Variants in CHMP4C observed in about 807,000 individuals in gnomAD.
The protein encoded by CHMP4C is charged multivesicular body protein 4C.
In CHMP4C, 28 loss-of-function variants were observed where a neutral mutation model predicts 29.0. The ratio of observed to expected loss-of-function variants is 0.97; its 90% CI spans 0.72 to 1.32. The LOEUF is 1.32. CHMP4C is among the 40% of genes most tolerant of loss of function. The pLI is 0.00. For synonymous variants in CHMP4C, 106 were observed against 102.4 expected, an observed-to-expected ratio of 1.04 and a Z score of -0.21; for missense variants, 291 against 281.0, an observed-to-expected ratio of 1.04 and a Z score of -0.25.
Position 81,739,868 on chromosome 8 carries a change from T to C in CHMP4C, c.190+7052T>C, listed in dbSNP as rs138942518. On this transcript the variant is annotated intron_variant, in intron 1 of 4. Transcript: ENST00000297265. ...ACCCATTTCACTTGCCTTTTTCCCA[T>C]TGGATGTGGAAAGAGCTAAAACTCC... 5.5e-3 allele frequency among the ~76,000 whole-genome samples: 841 copies of C among 152,290 alleles called. 1 individual carries two copies. The highest frequency in any genetic ancestry group is 0.01 in the Middle Eastern group (3 of 294).
At position 81,759,258 on chromosome 8, in the gene CHMP4C, G is replaced by A. The variant is rs189432124; in HGVS notation, c.*714G>A. 81 of 152,620 alleles carry A rather than the reference G, an allele frequency of 5.3e-4. No homozygotes were observed. The highest frequency in any genetic ancestry group is 8.1e-4 in the Non-Finnish European group (55 of 68,004). The allele number at this position is 152,620 out of a possible 1,614,324, so 9.5% of individuals were successfully genotyped here. On this transcript the variant is annotated 3_prime_UTR_variant, in exon 5 of 5. Transcript: ENST00000297265. ...CCAATTAAGCTTGGAATGGGGCAAT[G>A]GATGCATTTCCCAAAACGTGTGAAA...
At chr8:81,739,422 G>GGC (rs1554592461) in intron 1 of CHMP4C, among the ~76,000 whole-genome samples, 2 of 143,442 alleles carry the variant, frequency 1.4e-5, no homozygotes, top group South Asian at 4.7e-4. Flanking sequence ...GGATTGTGGG[G>GGC]GGGGGTGGAA....
intron 1 of CHMP4C, among the ~76,000 whole-genome samples, chr8:81,742,916 G>A (rs1243010331): frequency 2.0e-5 from 3 of 152,092 alleles, no homozygotes; most frequent in Admixed American, 6.6e-5. Context: ...ATATTGATTT[G>A]TTGGTGTTAC....
In CHMP4C at chr8:81,753,238, A is replaced by G. The variant is rs1563622826; in HGVS notation, c.365A>G (p.Asn122Ser). ...AAAGCGATGAAATCTGTTCATGAAA[A>G]CATGTGAGTGACTCTGGTCTCCCTC... ...AAKAMKSVHE[N>S]MDLNKIDDLM... is the part of the protein sequence containing the mutation. Residue 122 changes from asparagine to serine, a missense_variant, in exon 2 of 5, where the codon AAC becomes AGC. Transcript: ENST00000297265. The G allele has an allele frequency of 6.3e-7, 1 of 1,598,410 alleles. No homozygotes were observed.
At chr8:81,740,231 C>A (rs922793215) in intron 1 of CHMP4C, among the ~76,000 whole-genome samples, 2 of 152,198 alleles carry the variant, frequency 1.3e-5, no homozygotes, top group Non-Finnish European at 2.9e-5. Flanking sequence ...GTCCCCAACC[C>A]TTTTGGCACC....
At chr8:81,747,771 G>A (rs1463732526) in intron 1 of CHMP4C, among the ~76,000 whole-genome samples, 2 of 151,942 alleles carry the variant, frequency 1.3e-5, no homozygotes, top group Admixed American at 1.3e-4. Flanking sequence ...TACTTAACAG[G>A]GTAATAGAAT....
At chr8:81,739,408 T>A (rs1808733166) in intron 1 of CHMP4C, among the ~76,000 whole-genome samples, 1 of 20,266 alleles carries the variant, frequency 4.9e-5, no homozygotes, top group Non-Finnish European at 8.0e-5. Flanking sequence ...TTCTAAGGCC[T>A]GGGGGATTGT....
At chr8:81,755,099 T>TG (rs961895742) in intron 2 of CHMP4C, among the ~76,000 whole-genome samples, 13 of 152,270 alleles carry the variant, frequency 8.5e-5, no homozygotes, top group African/African-American at 3.1e-4. Context: ...AATTTCAAAA[T>TG]GGGTTTACAA....
intron 1 of CHMP4C, among the ~76,000 whole-genome samples, chr8:81,743,736 A>G (rs1808791385): frequency 6.6e-6 from 1 of 152,174 alleles, no homozygotes; most frequent in African/African-American, 2.4e-5. Flanking sequence ...CTTTTTAAAT[A>G]TTCTCTTGCG....
chr8:81,736,471 T>C (rs546244933), intron 1 of CHMP4C, among the ~76,000 whole-genome samples: 11 of 152,264 alleles, frequency 7.2e-5, no homozygotes, highest in Non-Finnish European at 1.6e-4. Context: ...AAATTCTACA[T>C]ATTCTAAATA....
At chr8:81,743,851 C>T (rs1282112738) in intron 1 of CHMP4C, among the ~76,000 whole-genome samples, 1 of 152,074 alleles carries the variant, frequency 6.6e-6, no homozygotes, top group Non-Finnish European at 1.5e-5. Flanking sequence ...TTCCTTTGCC[C>T]GTTTGCTGTC....
chr8:81,737,198 C>T (rs1808702701), intron 1 of CHMP4C, among the ~76,000 whole-genome samples: 1 of 152,176 alleles, frequency 6.6e-6, no homozygotes, highest in Non-Finnish European at 1.5e-5. Context: ...TTCTTCTGAG[C>T]ACTGCGTCTT....
At chr8:81,734,470 A>G (rs1808659963) in intron 1 of CHMP4C, among the ~76,000 whole-genome samples, 1 of 139,254 alleles carries the variant, frequency 7.2e-6, no homozygotes, top group Admixed American at 7.1e-5. Flanking sequence ...CGCTGGGATT[A>G]CAGGCATGTG....
At chr8:81,740,832 GGGATCT>G (rs1808754680) in intron 1 of CHMP4C, among the ~76,000 whole-genome samples, 1 of 152,178 alleles carries the variant, frequency 6.6e-6, no homozygotes, top group Admixed American at 6.5e-5. Flanking sequence ...TCTGTTTCAA[GGGATCT>G]GGAATAAGGT....
rs957360695 is a variant in CHMP4C, at chr8:81,732,564, G to A, written c.-63G>A. On this transcript the variant is annotated 5_prime_UTR_variant, in exon 1 of 5. Transcript: ENST00000297265. Reference sequence around the variant, plus strand: ...GACTGCCTTGCTCACCTGTCCCCTCGGCGCGGCCCCGGGGAGCTCCCGAGA... The same window carrying A: ...GACTGCCTTGCTCACCTGTCCCCTCAGCGCGGCCCCGGGGAGCTCCCGAGA... 34 of 1,325,216 alleles carry A rather than the reference G, an allele frequency of 2.6e-5. No individual in the cohort carries two copies. The South Asian group carries it at 4.2e-4, about 16-fold the overall frequency. 82.1% of individuals were successfully genotyped at this position (1,325,216 alleles called of 1,614,324 possible).
At chr8:81,751,673 A>G (rs561890653) in intron 1 of CHMP4C, among the ~76,000 whole-genome samples, 2 of 152,216 alleles carry the variant, frequency 1.3e-5, no homozygotes, top group East Asian at 3.9e-4. Context: ...AAGCATAACA[A>G]ACAGAAAACA....
chr8:81,752,398 G>A (rs1808914625), intron 1 of CHMP4C, among the ~76,000 whole-genome samples: 1 of 152,130 alleles, frequency 6.6e-6, no homozygotes, highest in Non-Finnish European at 1.5e-5. Context: ...TTGTTAAAAT[G>A]TTAATGGGAA....
intron 1 of CHMP4C, among the ~76,000 whole-genome samples, chr8:81,748,571 C>G (rs1808859437): frequency 6.6e-6 from 1 of 152,120 alleles, no homozygotes; most frequent in African/African-American, 2.4e-5. Context: ...CATTTGGGGT[C>G]CCTGACTTCC....
chr8:81,741,761 A>G (rs1808765025), intron 1 of CHMP4C, among the ~76,000 whole-genome samples: 1 of 152,196 alleles, frequency 6.6e-6, no homozygotes, highest in Non-Finnish European at 1.5e-5. Context: ...CCACAGTCTC[A>G]TCTGCTTTAG....
Sources: gnomAD v4.1 joint callset for allele counts (sites outside exome capture counted in the v4.1 genomes callset) on GRCh38, gnomAD v4.1.1 for gene constraint, MANE v1.5 for transcripts, NCBI Gene and HGNC (gene_info 2026-07-23, HGNC 2026-07-21) for gene names.